FNDC3A: variants seen among roughly 807,000 people sequenced by gnomAD.
FNDC3A encodes the protein fibronectin type III domain containing 3A.
A neutral mutation model predicts 148.9 loss-of-function variants in FNDC3A; 32 were observed. The observed-to-expected ratio is 0.21, with a 90% CI of 0.16 to 0.29. The LOEUF (loss-of-function observed/expected upper bound fraction) is 0.29. FNDC3A is among the 10% of genes least tolerant of loss of function. The pLI is 1.00. For missense variants in FNDC3A, 1,191 were observed against 1,452.8 expected, an observed-to-expected ratio of 0.82 and a Z score of 2.93; for synonymous variants, 472 against 473.6, an observed-to-expected ratio of 1.00 and a Z score of 0.04.
intron 2 of FNDC3A, among the ~76,000 whole-genome samples, chr13:49,016,968 A>G (rs562891613): frequency 7.7e-4 from 117 of 151,574 alleles, no homozygotes; most frequent in African/African-American, 2.6e-3. Flanking sequence ...TCTGAGAGAT[A>G]GTTTGTTATA....
chr13:49,145,835 A>T lies in FNDC3A; in HGVS notation c.877A>T (p.Ile293Phe). 6.2e-7 allele frequency: 1 copy of T among 1,613,666 alleles called. No homozygotes were observed. The highest frequency in any genetic ancestry group is 8.5e-7 in the Non-Finnish European group (1 of 1,179,586). Residue 293 changes from isoleucine to phenylalanine, a missense_variant, in exon 8 of 26, where the codon ATT becomes TTT. Around this residue, in one of 3 missense-constraint regions of FNDC3A, gnomAD observed 426 missense variants for 473.2 expected, o/e 0.90. Coordinates refer to ENST00000492622, the MANE Select transcript of FNDC3A (RefSeq NM_001079673.2). ...VLTWSPPSSL[I>F]NGETDESSVP... is the part of the protein sequence containing the mutation. ...TACCTGGTCACCACCTTCCAGCCTC[A>T]TTAATGGTGAAACAGATGAAAGTAG... is the stretch of plus-strand genomic sequence containing the variant.
intron 2 of FNDC3A, among the ~76,000 whole-genome samples, chr13:49,020,346 G>T (rs552633217): frequency 2.2e-4 from 34 of 152,180 alleles, no homozygotes; most frequent in African/African-American, 8.2e-4. Flanking sequence ...CTAAGAGAGG[G>T]GATAAAAATT....
In FNDC3A at chr13:49,186,031, A is replaced by G; in HGVS notation, c.1685A>G (p.Asp562Gly). 6.2e-7 allele frequency: 1 copy of G among 1,612,406 alleles called. No homozygotes were observed. Among genetic ancestry groups the G allele is most frequent in the South Asian group, 1.1e-5 (1 of 91,046 alleles). The change falls in exon 15 of 26, where the codon GAT becomes GGT. Residue 562 changes from aspartate (D) to glycine (G), a missense_variant. This residue lies in a region of FNDC3A where 751 missense variants were observed against 944.0 expected (regional missense o/e 0.80). Coordinates refer to ENST00000492622, the MANE Select transcript of FNDC3A (RefSeq NM_001079673.2). ...GTAGTAGAATTTACTACTTGCCCTG[A>G]TAAACCAGGCATACCTGTAAAGCCT... is the stretch of plus-strand genomic sequence containing the variant. The part of the protein sequence containing the change: ...SEVVEFTTCP[D>G]KPGIPVKPSV...
chr13:49,078,455 T>G (rs1395626765), intron 3 of FNDC3A, among the ~76,000 whole-genome samples: 1 of 152,206 alleles, frequency 6.6e-6, no homozygotes, highest in Non-Finnish European at 1.5e-5. Context: ...TATGACAGAT[T>G]GTAAGATTGG....
intron 4 of FNDC3A, among the ~76,000 whole-genome samples, chr13:49,121,802 G>T (rs1407161329): frequency 1.3e-5 from 2 of 152,174 alleles, no homozygotes; most frequent in Admixed American, 6.5e-5. Flanking sequence ...AAACAAGGAA[G>T]AAGTGGAATC....
At chr13:49,178,133 A>G (rs994630949) in intron 13 of FNDC3A, among the ~76,000 whole-genome samples, 2 of 152,228 alleles carry the variant, frequency 1.3e-5, no homozygotes, top group Non-Finnish European at 2.9e-5. Flanking sequence ...TGCCAGCACA[A>G]TTAACCCTTC....
At chr13:49,024,183 G>A (rs1873533682) in intron 2 of FNDC3A, among the ~76,000 whole-genome samples, 13 of 151,924 alleles carry the variant, frequency 8.6e-5, no homozygotes, top group Admixed American at 7.2e-4. Context: ...ACAAGAAGAA[G>A]TAGAAAACCT....
chr13:49,081,045 A>G (rs1566237522), intron 3 of FNDC3A, among the ~76,000 whole-genome samples: 1 of 152,338 alleles, frequency 6.6e-6, no homozygotes, highest in East Asian at 1.9e-4. Context: ...AGAGAAAACA[A>G]CAGATGTTTC....
chr13:49,009,283 C>T (rs539877330), intron 2 of FNDC3A, among the ~76,000 whole-genome samples: 6 of 152,266 alleles, frequency 3.9e-5, no homozygotes, highest in South Asian at 4.1e-4. Context: ...TTTCTTTCCA[C>T]GGCTTAATAG....
intron 3 of FNDC3A, among the ~76,000 whole-genome samples, chr13:49,104,499 AGGTG>A (rs1387882073): frequency 0.055 from 25 of 454 alleles, 2 homozygotes; most frequent in South Asian, 0.5. Flanking sequence ...ACTCCAGCCC[AGGTG>A]GCCCAGGTGA....
chr13:49,107,502 A>C (rs1880272519), intron 3 of FNDC3A, among the ~76,000 whole-genome samples: 1 of 152,220 alleles, frequency 6.6e-6, no homozygotes, highest in South Asian at 2.1e-4. Context: ...TGACCAGTGA[A>C]GCCAAGTCCA....
intron 2 of FNDC3A, among the ~76,000 whole-genome samples, chr13:49,026,935 T>C (rs1873756888): frequency 6.6e-6 from 1 of 152,120 alleles, no homozygotes; most frequent in South Asian, 2.1e-4. Flanking sequence ...GAAGGATTGA[T>C]TGGCTTATAT....
chr13:49,170,402 T>G (rs1486120101), intron 10 of FNDC3A, among the ~76,000 whole-genome samples: 1 of 152,180 alleles, frequency 6.6e-6, no homozygotes, highest in Non-Finnish European at 1.5e-5. Flanking sequence ...CTACCTCACC[T>G]AATCTAAAAG....
At chr13:49,110,435 CTTTTA>C (rs770055131) in intron 3 of FNDC3A, 110 of 1,432,916 alleles carry the variant, frequency 7.7e-5, no homozygotes, top group Admixed American at 3.2e-4. Context: ...GAACATTCTG[CTTTTA>C]TTTTAAGACA....
rs774638514 is a variant in FNDC3A at position 49,131,301 on chromosome 13, C to G, written c.417C>G (p.Pro139=). The part of the protein sequence containing the change: ...MPPPPRHMYS[P]VTGAGDMTTQ... Reference sequence around the variant, plus strand: ...CTCCACCACGTCATATGTACTCACCCGTGACTGGAGCTGGAGACATGACAA... The same window carrying G: ...CTCCACCACGTCATATGTACTCACCGGTGACTGGAGCTGGAGACATGACAA... The change falls in exon 5 of 26, where the codon CCC becomes CCG. Residue 139 remains proline (P), a synonymous_variant. Coordinates refer to ENST00000492622, the MANE Select transcript of FNDC3A (RefSeq NM_001079673.2). 1.2e-6 allele frequency: 2 copies of G among 1,613,992 alleles called. No homozygotes were observed. Among genetic ancestry groups the G allele is most frequent in the Non-Finnish European group, 1.7e-6 (2 of 1,179,972 alleles).
chr13:49,074,956 A>G (rs557946035), intron 2 of FNDC3A, among the ~76,000 whole-genome samples: 1 of 152,346 alleles, frequency 6.6e-6, no homozygotes, highest in Admixed American at 6.5e-5. Flanking sequence ...TTAGAAAAAC[A>G]TGATACTTAG....
chr13:49,045,525 T>G, intron 2 of FNDC3A: 1 of 287,036 alleles, frequency 3.5e-6, no homozygotes, highest in African/African-American at 2.2e-5. Context: ...ATAACCCTCC[T>G]GGCATGTGTG....
intron 7 of FNDC3A, among the ~76,000 whole-genome samples, chr13:49,141,371 A>G (rs1037289764): frequency 1.3e-5 from 2 of 152,078 alleles, no homozygotes; most frequent in South Asian, 2.1e-4. Context: ...TAAATGTGTC[A>G]TGCCTTTTAC....
intron 4 of FNDC3A, among the ~76,000 whole-genome samples, chr13:49,115,973 T>G (rs1429859721): frequency 6.6e-6 from 1 of 152,212 alleles, no homozygotes; most frequent in African/African-American, 2.4e-5. Flanking sequence ...TTGCACCTTC[T>G]CAGATCTTCC....
Sources: gnomAD v4.1 joint callset for allele counts (sites outside exome capture counted in the v4.1 genomes callset) on GRCh38, gnomAD v4.1.1 for gene constraint, gnomAD v4.1.1 regional missense constraint, MANE v1.5 for transcripts, NCBI Gene and HGNC (gene_info 2026-07-23, HGNC 2026-07-21) for gene names.